GSDME: variants seen among roughly 807,000 people sequenced by gnomAD.
The protein encoded by GSDME is gasdermin E.
A neutral mutation model predicts 47.5 loss-of-function variants in GSDME; 44 were observed. That is an observed-to-expected ratio of 0.93 (90% CI 0.73 to 1.19). GSDME has a LOEUF of 1.19. Ranked by LOEUF, GSDME falls within the 50% of genes most tolerant of loss-of-function variation. GSDME has a pLI of 0.00. For missense variants in GSDME, 663 were observed against 604.2 expected (o/e 1.10, Z -1.02); for synonymous variants, 258 against 252.8 (o/e 1.02, Z -0.20).
intron 1 of GSDME, among the ~76,000 whole-genome samples, chr7:24,750,241 A>G (rs1790812431): frequency 1.3e-5 from 2 of 152,220 alleles, no homozygotes; most frequent in Non-Finnish European, 2.9e-5. Context: ...AAGTGACACA[A>G]GGCAGATCGT....
At chr7:24,788,020 GCA>G in the GSDME span, among the ~76,000 whole-genome samples, 1 of 152,128 alleles carries the variant, frequency 6.6e-6, no homozygotes, top group South Asian at 2.1e-4. The surrounding 1 kb of genome is among the most constrained non-coding windows in gnomAD (Gnocchi z 4.6). Context: ...TTTTTTAAAA[GCA>G]CAGTTGATCA....
the GSDME span, among the ~76,000 whole-genome samples, chr7:24,776,589 T>C: frequency 6.6e-6 from 1 of 152,224 alleles, no homozygotes; most frequent in Non-Finnish European, 1.5e-5. Flanking sequence ...CAAGAGTTTG[T>C]TTTTATGTCA....
At chr7:24,706,754 C>T (rs1412886526) in intron 7 of GSDME, among the ~76,000 whole-genome samples, 1 of 152,224 alleles carries the variant, frequency 6.6e-6, no homozygotes, top group East Asian at 1.9e-4. Flanking sequence ...CAGCCCCCGG[C>T]CACATTCCCA....
At chr7:24,702,645 C>G in intron 9 of GSDME, 115 bp downstream of exon 9, 2 of 829,358 alleles carry the variant, frequency 2.4e-6, no homozygotes, top group Non-Finnish European at 4.2e-6. Context: ...CTTAATGTGT[C>G]TTGAAGAGCT....
intron 3 of GSDME, among the ~76,000 whole-genome samples, chr7:24,723,995 C>A (rs1303613431): frequency 1.3e-5 from 2 of 152,172 alleles, no homozygotes; most frequent in African/African-American, 4.8e-5. Context: ...GTCCTGATTT[C>A]TTTCCTCTCG....
chr7:24,759,271 C>T (rs1415043384), upstream of GSDME, among the ~76,000 whole-genome samples: 2 of 152,180 alleles, frequency 1.3e-5, no homozygotes, highest in Non-Finnish European at 2.9e-5. Context: ...TCCTCATAAA[C>T]AGCATACTCA....
At chr7:24,707,693 CACA>C in intron 7 of GSDME, 2 of 382,428 alleles carry the variant, frequency 5.2e-6, no homozygotes, top group South Asian at 6.2e-5. Context: ...GACACACACA[CACA>C]CACAGAGGGG....
At position 24,716,930 on chromosome 7, in the gene GSDME, T is replaced by G. The variant is rs1017126875; in HGVS notation, c.697+324A>C. ...CTCATAGGACATCATGGCACCGGGG[T>G]TGATGCCCAGTGTGTCTGATGCAGA... On this transcript the variant is annotated intron_variant, in intron 5 of 9. Coordinates refer to ENST00000645220, the MANE Select transcript of GSDME (RefSeq NM_001127453.2). This position sits in a 1 kb window ranked among gnomAD's most constrained non-coding sequence, Gnocchi z 4.5. 2.1e-5 allele frequency: 8 copies of G among 387,950 alleles called. No homozygotes were observed. The Admixed American group carries it at 2.6e-4, about 13-fold the overall frequency. 24.0% of individuals were successfully genotyped at this position (387,950 alleles called of 1,614,324 possible). A position where few individuals can be genotyped will look rare whatever the true frequency, so the allele number is the denominator to read the frequency against.
the GSDME span, among the ~76,000 whole-genome samples, chr7:24,783,245 G>A: frequency 6.6e-6 from 1 of 152,210 alleles, no homozygotes; most frequent in Non-Finnish European, 1.5e-5. Flanking sequence ...TGCTGGCTTA[G>A]AGGCTCAGAG....
At chr7:24,707,642 A>T (rs945958403) in intron 7 of GSDME, 1 of 356,602 alleles carries the variant, frequency 2.8e-6, no homozygotes. Flanking sequence ...GTGGGCCCTA[A>T]ATCCAATGAT....
chr7:24,787,015 G>T, the GSDME span, among the ~76,000 whole-genome samples: 1 of 152,140 alleles, frequency 6.6e-6, no homozygotes, highest in Non-Finnish European at 1.5e-5. The surrounding 1 kb of genome is among the most constrained non-coding windows in gnomAD (Gnocchi z 5.0). Context: ...CTGGAAAGAG[G>T]TGAGGGCCTT....
At chr7:24,699,766 A>AGAGTAGGG (rs1788786618) in intron 9 of GSDME, among the ~76,000 whole-genome samples, 1 of 152,188 alleles carries the variant, frequency 6.6e-6, no homozygotes, top group Non-Finnish European at 1.5e-5. Context: ...CCTCTGTCTG[A>AGAGTAGGG]ATCCCTACTC....
At chr7:24,777,153 TAAC>T in the GSDME span, among the ~76,000 whole-genome samples, 1 of 152,082 alleles carries the variant, frequency 6.6e-6, no homozygotes, top group Non-Finnish European at 1.5e-5. Flanking sequence ...GTATAGAAAA[TAAC>T]ACCTTGGCTT....
chr7:24,774,902 T>C, the GSDME span, among the ~76,000 whole-genome samples: 1 of 152,198 alleles, frequency 6.6e-6, no homozygotes, highest in African/African-American at 2.4e-5. Context: ...ACACAAATAC[T>C]ACCCACACAA....
chr7:24,715,368 A>G (rs905422160), intron 5 of GSDME: 11 of 445,258 alleles, frequency 2.5e-5, no homozygotes, highest in Non-Finnish European at 5.1e-5. Flanking sequence ...TGCAGAGGGT[A>G]ACCATGCTGG....
At chr7:24,729,103 T>A (rs1790060489) in intron 3 of GSDME, among the ~76,000 whole-genome samples, 1 of 152,202 alleles carries the variant, frequency 6.6e-6, no homozygotes, top group South Asian at 2.1e-4. Flanking sequence ...AACCTGTAGA[T>A]GTTCAGCCCT....
At chr7:24,755,414 CTCAA>C (rs1308937504) in intron 1 of GSDME, among the ~76,000 whole-genome samples, 1 of 152,174 alleles carries the variant, frequency 6.6e-6, no homozygotes, top group Non-Finnish European at 1.5e-5. Flanking sequence ...TACGAGGATA[CTCAA>C]TCACAGAACT....
the GSDME span, among the ~76,000 whole-genome samples, chr7:24,764,154 G>C: frequency 6.6e-6 from 1 of 152,102 alleles, no homozygotes; most frequent in Non-Finnish European, 1.5e-5. This position sits in a 1 kb window ranked among gnomAD's most constrained non-coding sequence, Gnocchi z 4.4. Context: ...TGTTTGGTAA[G>C]GTCCTTAAAA....
upstream of GSDME, among the ~76,000 whole-genome samples, chr7:24,759,267 T>A (rs1274550232): frequency 2.0e-5 from 3 of 152,202 alleles, no homozygotes; most frequent in African/African-American, 4.8e-5. Context: ...AATATCCTCA[T>A]AAACAGCATA....
Sources: allele counts gnomAD v4.1 joint callset (sites outside exome capture counted in the v4.1 genomes callset), GRCh38; gene constraint gnomAD v4.1.1; non-coding constraint Gnocchi (gnomAD v3.1); transcripts MANE v1.5; gene names NCBI Gene and HGNC (gene_info 2026-07-23, HGNC 2026-07-21).